The following ANKH variants were observed in gnomAD, a reference collection of about 807,000 sequenced individuals.
The protein encoded by ANKH is ANKH inorganic pyrophosphate transport regulator.
Under a neutral mutation model 49.0 loss-of-function variants are expected in ANKH, and 15 were observed. That is an observed-to-expected ratio of 0.31 (90% CI 0.20 to 0.47). The LOEUF is 0.47. Ranked by LOEUF, ANKH falls within the 20% of genes least tolerant of loss-of-function variation. The pLI is 1.00. For missense variants in ANKH, 429 were observed against 652.0 expected (o/e 0.66, Z 3.72); for synonymous variants, 273 against 260.0 (o/e 1.05, Z -0.48).
chr5:14,797,927 A>C (rs770455623), intron 1 of ANKH: 440 of 1,598,270 alleles, frequency 2.8e-4, no homozygotes, highest in Non-Finnish European at 3.6e-4. Context: ...CTGGTTTAGA[A>C]GGATGTTTTG....
chr5:14,736,131 G>A (rs1300676452), intron 8 of ANKH, among the ~76,000 whole-genome samples: 1 of 147,868 alleles, frequency 6.8e-6, no homozygotes, highest in Non-Finnish European at 1.5e-5. Context: ...GGCACACTGT[G>A]CCAGCGTGGC....
chr5:14,755,146 C>T (rs2126489451), intron 4 of ANKH, among the ~76,000 whole-genome samples: 1 of 151,832 alleles, frequency 6.6e-6, no homozygotes, highest in Non-Finnish European at 1.5e-5. Context: ...AAATCATTCT[C>T]CCAAATCCCT....
chr5:14,848,236 C>T (rs1742020595), intron 1 of ANKH, among the ~76,000 whole-genome samples: 1 of 152,198 alleles, frequency 6.6e-6, no homozygotes, highest in South Asian at 2.1e-4. Context: ...GCTTGTAACT[C>T]AGCTCACACC....
At chr5:14,800,291 G>A (rs1251198688) in intron 1 of ANKH, among the ~76,000 whole-genome samples, 1 of 152,228 alleles carries the variant, frequency 6.6e-6, no homozygotes, top group African/African-American at 2.4e-5. Flanking sequence ...CATTGTTGAA[G>A]TGACAACAAA....
intron 4 of ANKH, among the ~76,000 whole-genome samples, chr5:14,754,484 T>G (rs1738817422): frequency 1.3e-5 from 2 of 152,130 alleles, no homozygotes; most frequent in South Asian, 4.1e-4. Flanking sequence ...GTTTAGTTCA[T>G]CTCCCATAGG....
intron 1 of ANKH, among the ~76,000 whole-genome samples, chr5:14,805,137 A>G (rs146180941): frequency 0.017 from 2,546 of 152,204 alleles, 84 homozygotes; most frequent in African/African-American, 0.058. Context: ...TGGTGGGCAC[A>G]ATCTAATCAG....
At chr5:14,782,829 C>G (rs1487065522) in intron 1 of ANKH, among the ~76,000 whole-genome samples, 2 of 152,150 alleles carry the variant, frequency 1.3e-5, no homozygotes, top group South Asian at 2.1e-4. Context: ...ACCACGCAGG[C>G]CATCTTGCAA....
At chr5:14,830,549 G>T (rs971296429) in intron 1 of ANKH, among the ~76,000 whole-genome samples, 7 of 151,930 alleles carry the variant, frequency 4.6e-5, no homozygotes, top group Non-Finnish European at 1.0e-4. Flanking sequence ...CTGTGTGTGT[G>T]TGAGTGTGTG....
chr5:14,845,987 C>T (rs1741949215), intron 1 of ANKH, among the ~76,000 whole-genome samples: 1 of 151,702 alleles, frequency 6.6e-6, no homozygotes, highest in Non-Finnish European at 1.5e-5. Flanking sequence ...TCCCAAATAG[C>T]TGGGATTACA....
At chr5:14,784,002 C>A (rs1474481516) in intron 1 of ANKH, among the ~76,000 whole-genome samples, 4 of 152,272 alleles carry the variant, frequency 2.6e-5, no homozygotes, top group Non-Finnish European at 5.9e-5. Context: ...AAGGAGGCAG[C>A]TTTGTCCTCC....
chr5:14,833,534 T>C (rs1157371850), intron 1 of ANKH, among the ~76,000 whole-genome samples: 1 of 152,196 alleles, frequency 6.6e-6, no homozygotes, highest in Non-Finnish European at 1.5e-5. Context: ...TCTGGGTATA[T>C]GGTCCAGGGT....
At chr5:14,728,534 G>A (rs1231937632) in intron 8 of ANKH, among the ~76,000 whole-genome samples, 1 of 152,240 alleles carries the variant, frequency 6.6e-6, no homozygotes, top group Non-Finnish European at 1.5e-5. Flanking sequence ...CTCACGGCGT[G>A]GGGGTGGGGT....
At chr5:14,773,839 G>A (rs544593109) in intron 1 of ANKH, among the ~76,000 whole-genome samples, 4 of 152,278 alleles carry the variant, frequency 2.6e-5, no homozygotes, top group South Asian at 4.1e-4. Context: ...TTGAATGAAC[G>A]AATGAATTGG....
rs1736973406 is a variant in ANKH at position 14,707,228 on chromosome 5, A to C, written c.*3969T>G. 1 of 152,156 alleles carries C rather than the reference A, an allele frequency of 6.6e-6. No individual in the cohort carries two copies. Among genetic ancestry groups the C allele is most frequent in the Admixed American group, 6.5e-5 (1 of 15,288 alleles). 9.4% of individuals were successfully genotyped at this position (152,156 alleles called of 1,614,324 possible). On this transcript the variant is annotated 3_prime_UTR_variant, in exon 12 of 12. Coordinates refer to ENST00000284268, the MANE Select transcript of ANKH (RefSeq NM_054027.6). Reference sequence around the variant, plus strand: ...AAGAAAATATTTCTCAAGGAAATGTAATTACAACACTATAAATACTTGCTA... The same window carrying C: ...AAGAAAATATTTCTCAAGGAAATGTCATTACAACACTATAAATACTTGCTA...
chr5:14,870,494 C>T (rs1580129401), intron 1 of ANKH: 1 of 152,368 alleles, frequency 6.6e-6, no homozygotes, highest in African/African-American at 2.4e-5. Context: ...ACGCTCTGGC[C>T]ACTTGGGACA....
In ANKH at chr5:14,750,989, T is replaced by G. The variant is rs1313324728; in HGVS notation, c.687+80A>C. 3.2e-6 allele frequency: 5 copies of G among 1,563,398 alleles called. No homozygotes were observed. In the Admixed American group the frequency reaches 8.4e-5, roughly 26 times the overall value. On this transcript the variant is annotated intron_variant, in intron 5 of 11. Transcript: ENST00000284268. ...ACTTCATGTTTTGATGTCACTGATT[T>G]CTCATTTTACATAGAGGTGGAATAC...
chr5:14,768,674 C>G, intron 2 of ANKH: 1 of 473,808 alleles, frequency 2.1e-6, no homozygotes, highest in South Asian at 2.2e-5. Flanking sequence ...ATATCTCTAA[C>G]GAAAGCACCT....
At chr5:14,791,552 T>C (rs1175065052) in intron 1 of ANKH, among the ~76,000 whole-genome samples, 1 of 152,180 alleles carries the variant, frequency 6.6e-6, no homozygotes, top group Non-Finnish European at 1.5e-5. Context: ...TGCATAAAAA[T>C]TGGTTTTGAA....
intron 8 of ANKH, among the ~76,000 whole-genome samples, chr5:14,735,681 G>A (rs1401641174): frequency 2.6e-5 from 4 of 152,118 alleles, no homozygotes. Context: ...CTGGGCTGAG[G>A]CAGCAAAACT....
Sources: gnomAD v4.1 joint callset for allele counts (sites outside exome capture counted in the v4.1 genomes callset) on GRCh38, gnomAD v4.1.1 for gene constraint, MANE v1.5 for transcripts, NCBI Gene and HGNC (gene_info 2026-07-23, HGNC 2026-07-21) for gene names.